The following CD84 variants were observed in gnomAD, a reference collection of about 807,000 sequenced individuals.
The protein encoded by CD84 is CD84 molecule.
In CD84, 22 loss-of-function variants were observed where a neutral mutation model predicts 33.8. The ratio of observed to expected loss-of-function variants is 0.65; its 90% CI spans 0.46 to 0.93. CD84 has a LOEUF of 0.93. Ranked by LOEUF, CD84 falls within the 40% of genes least tolerant of loss-of-function variation. The pLI, the probability that CD84 is intolerant of heterozygous loss-of-function variation, is 0.00. For missense variants in CD84, 400 were observed against 397.6 expected (o/e 1.01, Z -0.05); for synonymous variants, 154 against 145.2 (o/e 1.06, Z -0.44).
chr1:160,552,624 G>A (rs1434039928), intron 4 of CD84: 13 of 907,424 alleles, frequency 1.4e-5, no homozygotes, highest in African/African-American at 5.0e-5. Flanking sequence ...TGCAAATCAC[G>A]TGCTTAGTCT....
At chr1:160,564,671 G>T (rs139240463) in intron 2 of CD84, among the ~76,000 whole-genome samples, 14 of 152,236 alleles carry the variant, frequency 9.2e-5, no homozygotes, top group Admixed American at 8.5e-4. Context: ...AAAAAGATAC[G>T]TCCTTCATTA....
intron 6 of CD84, 43 bp from the exon 7 acceptor site, chr1:160,548,364 C>T (rs756226638): frequency 5.0e-6 from 8 of 1,606,670 alleles, no homozygotes; most frequent in Admixed American, 3.3e-5. Flanking sequence ...CTGAGAGGTG[C>T]TGCTGGGGAA....
chr1:160,563,909 T>G (rs1346294949), intron 2 of CD84, among the ~76,000 whole-genome samples: 2 of 152,110 alleles, frequency 1.3e-5, no homozygotes, highest in Non-Finnish European at 2.9e-5. Context: ...GCTACCATAG[T>G]GAATAGGGCA....
At chr1:160,553,101 G>C in intron 4 of CD84, 1 of 588,560 alleles carries the variant, frequency 1.7e-6, no homozygotes, top group Non-Finnish European at 3.1e-6. Flanking sequence ...GAACACACTC[G>C]TACAGTGAAG....
chr1:160,578,268 A>G (rs530454877), intron 1 of CD84, among the ~76,000 whole-genome samples: 3 of 152,314 alleles, frequency 2.0e-5, no homozygotes, highest in Admixed American at 1.3e-4. Flanking sequence ...ATTAAGTGGT[A>G]TCAAATGCTA....
rs1392420669 is a variant in CD84, at chr1:160,565,720, T to C, written c.72A>G (p.Ser24=). 6.2e-7 allele frequency: 1 copy of C among 1,610,832 alleles called. No homozygotes were observed. The highest frequency in any genetic ancestry group is 1.7e-5 in the Admixed American group (1 of 59,542). Residue 24 remains serine (S), a synonymous_variant, in exon 2 of 7, where the codon TCA becomes TCG. Coordinates refer to ENST00000368054, the MANE Select transcript of CD84 (RefSeq NM_003874.4). ...QTWPEAAGKD[S]EIFTVNGILG... Reference sequence around the variant, plus strand: ...GAATCCCATTCACTGTGAAGATTTCTGAGTCTTTTCCAGCTGCTTCCGGCC... The same window carrying C: ...GAATCCCATTCACTGTGAAGATTTCCGAGTCTTTTCCAGCTGCTTCCGGCC...
Position 160,565,684 on chromosome 1 carries a change from T to C in CD84, c.108A>G (p.Ser36=), listed in dbSNP as rs201078833. 5.0e-6 allele frequency: 8 copies of C among 1,613,718 alleles called. No individual in the cohort carries two copies. In the African/African-American group the frequency reaches 8.0e-5, roughly 16 times the overall value. The change falls in exon 2 of 7, where the codon TCA becomes TCG. Residue 36 remains serine (S), a synonymous_variant. Transcript: ENST00000368054. ...CTTGGATATTTACAGGGAAAGTGACTGACTCTCCCAGAATCCCATTCACTG... is the reference window on the plus strand; with the variant it reads ...CTTGGATATTTACAGGGAAAGTGACCGACTCTCCCAGAATCCCATTCACTG... ...IFTVNGILGE[S]VTFPVNIQEP... is the part of the protein sequence containing the mutation.
chr1:160,541,481 TG>T lies in CD84; in HGVS notation c.*6774del, dbSNP rs1192327325. On this transcript the variant is annotated 3_prime_UTR_variant, in exon 7 of 7. Coordinates refer to ENST00000368054, the MANE Select transcript of CD84 (RefSeq NM_003874.4). Reference sequence around the variant, plus strand: ...CCATATCTATATAATTATCAGAGAATGTGATAAAAAGCTACTACTCTGTACT... The same window carrying T: ...CCATATCTATATAATTATCAGAGAATTGATAAAAAGCTACTACTCTGTACT... 6.6e-6 allele frequency: 1 copy of T among 152,172 alleles called. No homozygotes were observed. Among genetic ancestry groups the T allele is most frequent in the Non-Finnish European group, 1.5e-5 (1 of 68,030 alleles). 9.4% of individuals were successfully genotyped at this position (152,172 alleles called of 1,614,324 possible).
chr1:160,565,058 T>A (rs1242510541), intron 2 of CD84, among the ~76,000 whole-genome samples: 6 of 152,204 alleles, frequency 3.9e-5, no homozygotes, highest in Non-Finnish European at 7.3e-5. Context: ...GCATCTATCA[T>A]GATCTCAAAA....
At chr1:160,550,661 T>C (rs971984440) in intron 5 of CD84, 68 of 985,194 alleles carry the variant, frequency 6.9e-5, no homozygotes, top group Non-Finnish European at 8.0e-5. Context: ...GGCGCCTTGC[T>C]CCTAGTCATG....
intron 1 of CD84, among the ~76,000 whole-genome samples, chr1:160,566,763 G>T (rs554869463): frequency 6.6e-6 from 1 of 152,096 alleles, no homozygotes; most frequent in Non-Finnish European, 1.5e-5. Context: ...ATCTGTTCTG[G>T]GAATCGAGGG....
chr1:160,579,313 C>T, intron 1 of CD84, 79 bp downstream of exon 1: 2 of 1,597,870 alleles, frequency 1.3e-6, no homozygotes, highest in South Asian at 1.1e-5. Context: ...ATCAAAAAGA[C>T]AGTTCAATGT....
chr1:160,554,331 C>A (rs1482019787), intron 2 of CD84, among the ~76,000 whole-genome samples, 185 bp from the exon 3 acceptor site: 1 of 152,012 alleles, frequency 6.6e-6, no homozygotes, highest in East Asian at 1.9e-4. Flanking sequence ...CTTTCTAATC[C>A]TTTTTTTGAC....
At position 160,579,439 on chromosome 1, in the gene CD84, T is replaced by A. The variant is rs754178658; in HGVS notation, c.-2A>T. On this transcript the variant is annotated 5_prime_UTR_variant, in exon 1 of 7. Transcript: ENST00000368054. The stretch of plus-strand genomic sequence containing the variant: ...GATCCATAGGTGGTGCTGAGCCATC[T>A]CTTTCAGGGTCTAACCTTCTGTGGA... 1 of 1,613,160 alleles carries A rather than the reference T, an allele frequency of 6.2e-7. No individual in the cohort carries two copies. The highest frequency in any genetic ancestry group is 8.5e-7 in the Non-Finnish European group (1 of 1,179,384).
At chr1:160,575,196 C>T (rs1462056334) in intron 1 of CD84, among the ~76,000 whole-genome samples, 1 of 152,016 alleles carries the variant, frequency 6.6e-6, no homozygotes, top group Admixed American at 6.6e-5. Context: ...GGTGGAACAT[C>T]GCTGAGTATT....
chr1:160,554,142 C>A lies in CD84; in HGVS notation c.393G>T (p.Arg131=). 1 of 1,609,548 alleles carries A rather than the reference C, an allele frequency of 6.2e-7. No individual in the cohort carries two copies. The highest frequency in any genetic ancestry group is 8.5e-7 in the Non-Finnish European group (1 of 1,177,156). Residue 131 remains arginine (R), a synonymous_variant, in exon 3 of 7, where the codon CGG becomes CGT. Transcript: ENST00000368054. ...TKRYNLQIYR[R]LGKPKITQSL... ...TCTGTGTAATTTTTGGTTTCCCAAG[C>A]CGACCTGTGGGGGCAAACACATGAG...
chr1:160,547,338 G>T lies in CD84; in HGVS notation c.*918C>A. Reference sequence around the variant, plus strand: ...AAGTGTGAGAAATATAAGCTGGTCAGTTCCTTTTGGAGAGTGGGAATACTG... The same window carrying T: ...AAGTGTGAGAAATATAAGCTGGTCATTTCCTTTTGGAGAGTGGGAATACTG... On this transcript the variant is annotated 3_prime_UTR_variant, in exon 7 of 7. Coordinates refer to ENST00000368054, the MANE Select transcript of CD84 (RefSeq NM_003874.4). 2.5e-6 allele frequency: 1 copy of T among 396,278 alleles called. No homozygotes were observed. Among genetic ancestry groups the T allele is most frequent in the East Asian group, 3.6e-5 (1 of 28,002 alleles). The allele number at this position is 396,278 out of a possible 1,614,324, so 24.5% of individuals were successfully genotyped here.
chr1:160,556,834 CA>C (rs911934361), intron 2 of CD84, among the ~76,000 whole-genome samples: 1 of 152,072 alleles, frequency 6.6e-6, no homozygotes, highest in Non-Finnish European at 1.5e-5. Context: ...ATTGGGTAGG[CA>C]AAATTAAACA....
At chr1:160,553,844 C>T (rs772917681) in intron 3 of CD84, 51 bp downstream of exon 3, 1 of 1,613,446 alleles carries the variant, frequency 6.2e-7, no homozygotes, top group Non-Finnish European at 8.5e-7. Context: ...CCTTGCAGCT[C>T]CTCAGAGTGA....
Sources: allele counts gnomAD v4.1 joint callset (sites outside exome capture counted in the v4.1 genomes callset), GRCh38; gene constraint gnomAD v4.1.1; transcripts MANE v1.5; gene names NCBI Gene and HGNC (gene_info 2026-07-23, HGNC 2026-07-21).